TSPEAR: variants seen among roughly 807,000 people sequenced by gnomAD.
The protein encoded by TSPEAR is thrombospondin type laminin G domain and EAR repeats.
Under a neutral mutation model 71.6 loss-of-function variants are expected in TSPEAR, and 69 were observed. The observed-to-expected ratio is 0.96, with a 90% CI of 0.79 to 1.18. The LOEUF is 1.18. Ranked by LOEUF, TSPEAR falls within the 50% of genes most tolerant of loss-of-function variation. TSPEAR has a pLI of 0.00. For synonymous variants in TSPEAR, 402 were observed against 387.2 expected, an observed-to-expected ratio of 1.04 and a Z score of -0.45; for missense variants, 971 against 894.9, an observed-to-expected ratio of 1.09 and a Z score of -1.09.
At chr21:44,540,338 G>A in intron 2 of TSPEAR, 1 of 947,890 alleles carries the variant, frequency 1.1e-6, no homozygotes, top group Non-Finnish European at 1.6e-6. Context: ...GGTGGCGTGT[G>A]TCATGACTAG....
chr21:44,503,893 G>T (rs1328526673), intron 11 of TSPEAR, among the ~76,000 whole-genome samples: 1 of 145,906 alleles, frequency 6.9e-6, no homozygotes, highest in Non-Finnish European at 1.5e-5. Flanking sequence ...CAGGGGGGAA[G>T]CAATGTGCTG....
At chr21:44,504,271 G>T (rs2052136483) in intron 11 of TSPEAR, among the ~76,000 whole-genome samples, 1 of 143,394 alleles carries the variant, frequency 7.0e-6, no homozygotes, top group African/African-American at 2.6e-5. Flanking sequence ...GCCCTCAGGG[G>T]GAAGCAGGGC....
At chr21:44,699,522 C>T (rs2146326308) in intron 1 of TSPEAR, among the ~76,000 whole-genome samples, 1 of 152,234 alleles carries the variant, frequency 6.6e-6, no homozygotes, top group Non-Finnish European at 1.5e-5. Context: ...ACCCCCAGCT[C>T]CTCCAACACA....
intron 1 of TSPEAR, among the ~76,000 whole-genome samples, chr21:44,648,643 A>T (rs762433): frequency 4.6e-5 from 7 of 152,042 alleles, no homozygotes; most frequent in Non-Finnish European, 8.8e-5. Context: ...CACAGGGCGC[A>T]CCAACATTGC....
chr21:44,693,827 C>G (rs574128760), intron 1 of TSPEAR, among the ~76,000 whole-genome samples: 41 of 152,098 alleles, frequency 2.7e-4, no homozygotes, highest in Admixed American at 2.7e-3. Flanking sequence ...CCCAAAAGAA[C>G]TAAAAATAAG....
chr21:44,613,787 G>A (rs1178956291), intron 1 of TSPEAR, among the ~76,000 whole-genome samples: 3 of 152,120 alleles, frequency 2.0e-5, no homozygotes, highest in African/African-American at 4.8e-5. Flanking sequence ...GCTTGCTGCC[G>A]ACTGGGACAT....
At chr21:44,509,104 C>T (rs1284571587) in intron 10 of TSPEAR, 95 bp downstream of exon 10, 29 of 1,434,826 alleles carry the variant, frequency 2.0e-5, no homozygotes, top group East Asian at 1.2e-4. Context: ...AGTCTTTCCA[C>T]GGGAAGGGTG....
intron 1 of TSPEAR, among the ~76,000 whole-genome samples, chr21:44,686,093 T>C (rs7280843): frequency 0.69 from 105,537 of 151,876 alleles, 36,803 homozygotes; most frequent in Middle Eastern, 0.82. Flanking sequence ...TGTGACTGTG[T>C]TTGTGTGAGC....
chr21:44,543,248 G>A (rs1398296877), intron 2 of TSPEAR, among the ~76,000 whole-genome samples: 1 of 152,188 alleles, frequency 6.6e-6, no homozygotes, highest in African/African-American at 2.4e-5. Context: ...AATGTTGACT[G>A]TATAAAATGT....
chr21:44,528,053 C>G (rs1276027753), intron 6 of TSPEAR, among the ~76,000 whole-genome samples: 1 of 152,194 alleles, frequency 6.6e-6, no homozygotes, highest in Admixed American at 6.5e-5. Flanking sequence ...AAGGAGGCTG[C>G]AGGGAGGCAG....
chr21:44,522,609 C>T (rs2052757763), intron 8 of TSPEAR, among the ~76,000 whole-genome samples: 1 of 152,242 alleles, frequency 6.6e-6, no homozygotes, highest in African/African-American at 2.4e-5. Flanking sequence ...GAGAGATGCC[C>T]CCAGACCCAG....
At chr21:44,526,168 G>A (rs1326037368) in intron 7 of TSPEAR, among the ~76,000 whole-genome samples, 1 of 152,190 alleles carries the variant, frequency 6.6e-6, no homozygotes, top group Admixed American at 6.5e-5. Flanking sequence ...TAACCCAGAT[G>A]ACCAGAAAAA....
chr21:44,534,049 C>G, intron 2 of TSPEAR, 126 bp from the exon 3 acceptor site: 1 of 683,526 alleles, frequency 1.5e-6, no homozygotes, highest in Non-Finnish European at 2.5e-6. Flanking sequence ...ACTGGAGGGG[C>G]GAGGTGAGGG....
At chr21:44,693,217 A>G (rs1987191274) in intron 1 of TSPEAR, among the ~76,000 whole-genome samples, 4 of 152,186 alleles carry the variant, frequency 2.6e-5, no homozygotes, top group African/African-American at 9.7e-5. Flanking sequence ...CTCTAAATGG[A>G]TCAATGCCCT....
chr21:44,535,572 C>T (rs1048326879), intron 2 of TSPEAR, among the ~76,000 whole-genome samples: 2 of 152,144 alleles, frequency 1.3e-5, no homozygotes, highest in South Asian at 2.1e-4. Context: ...TTTAGAAACA[C>T]GAATACACTG....
intron 1 of TSPEAR, chr21:44,580,418 G>C (rs782133350): frequency 6.2e-7 from 1 of 1,612,970 alleles, no homozygotes; most frequent in Admixed American, 1.7e-5. Context: ...CTCACAGGCC[G>C]CCTGGCAGCA....
intron 1 of TSPEAR, among the ~76,000 whole-genome samples, chr21:44,576,655 G>C (rs1415814541): frequency 6.6e-6 from 1 of 152,230 alleles, no homozygotes; most frequent in Non-Finnish European, 1.5e-5. Flanking sequence ...AAACTACAGT[G>C]CTGTTTCCCT....
intron 1 of TSPEAR, among the ~76,000 whole-genome samples, chr21:44,701,564 C>G (rs1311633452): frequency 6.6e-6 from 1 of 152,182 alleles, no homozygotes; most frequent in Non-Finnish European, 1.5e-5. Flanking sequence ...CAGATGGTCC[C>G]GTCTGGGGGT....
At chr21:44,516,385 T>A (rs1448387848) in intron 9 of TSPEAR, 1 of 152,348 alleles carries the variant, frequency 6.6e-6, no homozygotes, top group Non-Finnish European at 1.5e-5. Flanking sequence ...GTGGCAACTG[T>A]CCTCCTCAGT....
Sources: allele counts gnomAD v4.1 joint callset (sites outside exome capture counted in the v4.1 genomes callset), GRCh38; gene constraint gnomAD v4.1.1; transcripts MANE v1.5; gene names NCBI Gene and HGNC (gene_info 2026-07-23, HGNC 2026-07-21).